The following TEC variants were observed in gnomAD, a reference collection of about 807,000 sequenced individuals.
TEC encodes the protein tyrosine-protein kinase Tec.
TEC carries 72 observed loss-of-function variants against 93.0 expected under a neutral mutation model. That is an observed-to-expected ratio of 0.77 (90% CI 0.64 to 0.94). TEC has a LOEUF of 0.94. TEC is among the 40% of genes least tolerant of loss of function. TEC has a pLI of 0.00. For synonymous variants in TEC, 249 were observed against 247.7 expected (o/e 1.01, Z -0.05); for missense variants, 630 against 757.9 (o/e 0.83, Z 1.98).
chr4:48,186,056 G>T (rs1322145015), intron 2 of TEC, among the ~76,000 whole-genome samples: 3 of 152,190 alleles, frequency 2.0e-5, no homozygotes. Context: ...ACAGGGTTTC[G>T]CCATGTTGGC....
rs189490367 is a variant in TEC at position 48,193,524 on chromosome 4, T to G, written c.139-17338A>C. ...CAGAGTAACTGTCCCATTACAATCT[T>G]CAGAGATAAACGTAACTACTGTCAA... On this transcript the variant is annotated intron_variant, in intron 2 of 17. Coordinates refer to ENST00000381501, the MANE Select transcript of TEC (RefSeq NM_003215.3). Among the ~76,000 whole-genome samples, 733 of 152,260 alleles carry G rather than the reference T, an allele frequency of 4.8e-3. 5 individuals are homozygous for G. The highest frequency in any genetic ancestry group is 7.1e-3 in the Non-Finnish European group (480 of 68,010).
rs191623297 is a variant in TEC, at chr4:48,167,409, T to C, written c.671+369A>G. On this transcript the variant is annotated intron_variant, in intron 7 of 17. Transcript: ENST00000381501. ...ACACGCACATACACATACGTATATA[T>C]AGAGAGAGAGAGTCTAAGAAAAAAA... Among the ~76,000 whole-genome samples, 14 of 151,898 alleles carry C rather than the reference T, an allele frequency of 9.2e-5. No individual in the cohort carries two copies. The East Asian group carries it at 1.9e-3, about 21-fold the overall frequency.
At chr4:48,184,282 G>A (rs1251666821) in intron 2 of TEC, among the ~76,000 whole-genome samples, 1 of 152,158 alleles carries the variant, frequency 6.6e-6, no homozygotes. Flanking sequence ...GAATTTGTAA[G>A]TGCCACCTAT....
At chr4:48,218,706 A>G (rs1723155947) in intron 2 of TEC, among the ~76,000 whole-genome samples, 1 of 152,204 alleles carries the variant, frequency 6.6e-6, no homozygotes, top group African/African-American at 2.4e-5. Context: ...ACAGGCTCTT[A>G]TCCCTGTATC....
At chr4:48,154,594 G>T (rs1251779370) in intron 9 of TEC, among the ~76,000 whole-genome samples, 4 of 152,074 alleles carry the variant, frequency 2.6e-5, no homozygotes, top group Admixed American at 2.6e-4. Flanking sequence ...TTAAGAAAAA[G>T]TAATTTTTTC....
chr4:48,236,981 A>T (rs1203774830), intron 1 of TEC, among the ~76,000 whole-genome samples: 1 of 152,222 alleles, frequency 6.6e-6, no homozygotes, highest in Non-Finnish European at 1.5e-5. Context: ...TCAAAACATC[A>T]CTATATGCCC....
intron 6 of TEC, 78 bp from the exon 7 acceptor site, chr4:48,168,031 T>TAC (rs1385214798): frequency 9.9e-6 from 13 of 1,308,928 alleles, no homozygotes; most frequent in Middle Eastern, 2.3e-4. Context: ...AAATGAGTCA[T>TAC]ACATCACCAC....
rs187686446 is a variant in TEC, at chr4:48,198,227, C to T, written c.139-22041G>A. On this transcript the variant is annotated intron_variant, in intron 2 of 17. Transcript: ENST00000381501. ...TGGGGGGAATATCAAGTCAGGCTCC[C>T]GGCGCCAGGGCGATGGTCAGGCAGG... Among the ~76,000 whole-genome samples, 1,081 of 152,314 alleles carry T rather than the reference C, an allele frequency of 7.1e-3. 7 individuals carry two copies. The highest frequency in any genetic ancestry group is 0.014 in the Middle Eastern group (4 of 294).
intron 2 of TEC, among the ~76,000 whole-genome samples, chr4:48,214,396 T>C (rs1202200167): frequency 1.3e-5 from 2 of 152,118 alleles, no homozygotes; most frequent in Non-Finnish European, 2.9e-5. Flanking sequence ...GACCAAAGCT[T>C]CAAAGGTAGG....
At chr4:48,182,589 C>T (rs1721638360) in intron 2 of TEC, among the ~76,000 whole-genome samples, 1 of 148,022 alleles carries the variant, frequency 6.8e-6, no homozygotes. Flanking sequence ...GCACACTTTG[C>T]AAAGCTTGAA....
intron 2 of TEC, among the ~76,000 whole-genome samples, chr4:48,184,432 T>C: frequency 6.6e-6 from 1 of 152,170 alleles, no homozygotes; most frequent in East Asian, 1.9e-4. Context: ...GCAAATAAAG[T>C]GAAATTAACA....
intron 7 of TEC, among the ~76,000 whole-genome samples, chr4:48,165,396 G>C (rs773019840): frequency 1.3e-5 from 2 of 152,118 alleles, no homozygotes; most frequent in Non-Finnish European, 2.9e-5. Context: ...TTCTTCTTTA[G>C]AGAACTACTA....
chr4:48,265,006 A>G lies in TEC; in HGVS notation c.-46+4746T>C, dbSNP rs75160671. The stretch of plus-strand genomic sequence containing the variant: ...GATAACCAAGGGCATTAGTTACACA[A>G]GGAAAACTTCTAACATGAAAGAGAA... On this transcript the variant is annotated intron_variant, in intron 1 of 17. Coordinates refer to ENST00000381501, the MANE Select transcript of TEC (RefSeq NM_003215.3). Among the ~76,000 whole-genome samples, 376 of 143,910 alleles carry G rather than the reference A, an allele frequency of 2.6e-3. 9 individuals are homozygous for G. The East Asian group carries it at 0.076, about 29-fold the overall frequency. 94.4% of individuals were successfully genotyped at this position (143,910 alleles called of 152,430 possible). A position where few individuals can be genotyped will look rare whatever the true frequency, so the allele number is the denominator to read the frequency against.
intron 2 of TEC, among the ~76,000 whole-genome samples, chr4:48,193,365 C>T (rs1722161454): frequency 6.6e-6 from 1 of 151,996 alleles, no homozygotes; most frequent in South Asian, 2.1e-4. Flanking sequence ...TTCTCTCAGA[C>T]CTATACCACA....
At chr4:48,265,021 A>G (rs1403503438) in intron 1 of TEC, among the ~76,000 whole-genome samples, 1 of 152,100 alleles carries the variant, frequency 6.6e-6, no homozygotes, top group East Asian at 1.9e-4. Context: ...AACTTCTAAC[A>G]TGAAAGAGAA....
chr4:48,193,413 T>A (rs1722162905), intron 2 of TEC, among the ~76,000 whole-genome samples: 1 of 152,176 alleles, frequency 6.6e-6, no homozygotes, highest in Non-Finnish European at 1.5e-5. Flanking sequence ...CTCCAGGACC[T>A]GCTTCCTGGA....
At chr4:48,223,447 G>C (rs935772355) in intron 2 of TEC, among the ~76,000 whole-genome samples, 1 of 152,128 alleles carries the variant, frequency 6.6e-6, no homozygotes, top group African/African-American at 2.4e-5. Flanking sequence ...TCTGGAAGGT[G>C]TGCGCAATCT....
chr4:48,259,239 G>T (rs1342588487), intron 1 of TEC, among the ~76,000 whole-genome samples: 1 of 152,066 alleles, frequency 6.6e-6, no homozygotes, highest in Non-Finnish European at 1.5e-5. Flanking sequence ...CTGAAGCACA[G>T]GAAAATAATT....
chr4:48,149,694 G>T lies in TEC; in HGVS notation c.873-4C>A. On this transcript the variant is annotated splice_region_variant and splice_polypyrimidine_tract_variant and intron_variant, in intron 10 of 17. Transcript: ENST00000381501. ...CCTAAAACCCGATGAACCTTCTCTA[G>T]AACAAAAATCAAAATGTGTCAGAAC... The T allele has an allele frequency of 6.3e-7, 1 of 1,592,760 alleles. No homozygotes were observed. Among genetic ancestry groups the T allele is most frequent in the Non-Finnish European group, 8.5e-7 (1 of 1,173,352 alleles).
Sources: gnomAD v4.1 joint callset for allele counts (sites outside exome capture counted in the v4.1 genomes callset) on GRCh38, gnomAD v4.1.1 for gene constraint, MANE v1.5 for transcripts, NCBI Gene and HGNC (gene_info 2026-07-23, HGNC 2026-07-21) for gene names.